The following KCNIP3 variants were observed in gnomAD, a reference collection of about 807,000 sequenced individuals.
KCNIP3 encodes the protein calsenilin.
In KCNIP3, 28 loss-of-function variants were observed where a neutral mutation model predicts 35.0. That is an observed-to-expected ratio of 0.80 (90% CI 0.59 to 1.10). The LOEUF is 1.10. Ranked by LOEUF, KCNIP3 falls within the 50% of genes least tolerant of loss-of-function variation. The pLI is 0.00. For synonymous variants in KCNIP3, 134 were observed against 133.8 expected, an observed-to-expected ratio of 1.00 and a Z score of -0.01; for missense variants, 295 against 338.4, an observed-to-expected ratio of 0.87 and a Z score of 1.01.
chr2:95,303,928 G>A (rs1381973130), intron 1 of KCNIP3, among the ~76,000 whole-genome samples: 3 of 152,138 alleles, frequency 2.0e-5, no homozygotes, highest in Non-Finnish European at 4.4e-5. Context: ...ATTAAACCCA[G>A]TGTAAATGAT....
chr2:95,347,202 G>A (rs1448445893), intron 2 of KCNIP3: 5 of 1,252,632 alleles, frequency 4.0e-6, no homozygotes, highest in East Asian at 2.6e-5. Context: ...CCCGCACGCC[G>A]GGGTGCACTG....
chr2:95,338,573 A>C (rs1679116989), intron 2 of KCNIP3, among the ~76,000 whole-genome samples: 1 of 152,174 alleles, frequency 6.6e-6, no homozygotes, highest in South Asian at 2.1e-4. Context: ...AAACTATATC[A>C]CATGGCCATC....
At position 95,383,370 on chromosome 2, in the gene KCNIP3, C is replaced by T; in HGVS notation, c.723+76C>T. On this transcript the variant is annotated intron_variant, in intron 8 of 8. Transcript: ENST00000295225. ...GGTGGGTGGTTGGCAGCGTCTGCCC[C>T]TTCCCTCACCCCAGTCCCACCCCTG... 2.1e-6 allele frequency: 3 copies of T among 1,420,396 alleles called. No homozygotes were observed. The East Asian group carries it at 7.3e-5, about 34-fold the overall frequency. 88.0% of individuals were successfully genotyped at this position (1,420,396 alleles called of 1,614,324 possible). A position where few individuals can be genotyped will look rare whatever the true frequency, so the allele number is the denominator to read the frequency against.
intron 2 of KCNIP3, among the ~76,000 whole-genome samples, chr2:95,324,139 TAGTC>T (rs1317897495): frequency 2.0e-5 from 3 of 152,254 alleles, no homozygotes; most frequent in African/African-American, 4.8e-5. Flanking sequence ...TGGGCTGACT[TAGTC>T]AGTGAACTAA....
intron 5 of KCNIP3, among the ~76,000 whole-genome samples, 187 bp from the exon 6 acceptor site, chr2:95,381,409 A>G (rs1378106740): frequency 6.6e-6 from 1 of 152,170 alleles, no homozygotes; most frequent in Non-Finnish European, 1.5e-5. Context: ...ACACAGGTGC[A>G]CACCCGTGCA....
chr2:95,346,376 G>A (rs1269333336), intron 2 of KCNIP3, among the ~76,000 whole-genome samples: 1 of 151,470 alleles, frequency 6.6e-6, no homozygotes, highest in Non-Finnish European at 1.5e-5. Context: ...CGCCGACCGC[G>A]CGGCCTCCAG....
chr2:95,297,495 G>A (rs375076643), intron 1 of KCNIP3, 42 bp downstream of exon 1: 9 of 1,144,180 alleles, frequency 7.9e-6, no homozygotes, highest in African/African-American at 1.6e-5. Flanking sequence ...GAGGGGGGTC[G>A]GGGGGAGGAA....
chr2:95,350,181 A>T (rs142140277), intron 2 of KCNIP3, among the ~76,000 whole-genome samples: 216 of 152,096 alleles, frequency 1.4e-3, no homozygotes, highest in African/African-American at 4.9e-3. Context: ...AGCATTCCTG[A>T]TGTGCTGGTG....
At chr2:95,383,629 G>A (rs1369674278) in intron 8 of KCNIP3, among the ~76,000 whole-genome samples, 1 of 152,194 alleles carries the variant, frequency 6.6e-6, no homozygotes, top group African/African-American at 2.4e-5. Context: ...CAGAGCTTCC[G>A]CAGTGTTGCT....
chr2:95,317,897 G>A (rs924665301), intron 2 of KCNIP3, among the ~76,000 whole-genome samples: 2 of 152,218 alleles, frequency 1.3e-5, no homozygotes, highest in Non-Finnish European at 2.9e-5. Flanking sequence ...GCATGGCTGT[G>A]GGAAGCACCT....
chr2:95,348,262 G>A (rs1679426282), intron 2 of KCNIP3, among the ~76,000 whole-genome samples: 2 of 152,352 alleles, frequency 1.3e-5, no homozygotes, highest in South Asian at 4.1e-4. Flanking sequence ...GCCTTCGCTC[G>A]GCCGGATGCT....
Position 95,356,029 on chromosome 2 carries a change from A to G in KCNIP3, c.182-18267A>G, listed in dbSNP as rs138841287. On this transcript the variant is annotated intron_variant, in intron 2 of 8. Coordinates refer to ENST00000295225, the MANE Select transcript of KCNIP3 (RefSeq NM_013434.5). ...TCTGTGGTTTCCTGACTTTTTAATG[A>G]TCGCCATTCTAACTGGCATGAGATG... Among the ~76,000 whole-genome samples, 398 of 152,286 alleles carry G rather than the reference A, an allele frequency of 2.6e-3. 1 individual carries two copies. Among genetic ancestry groups the G allele is most frequent in the African/African-American group, 8.9e-3 (369 of 41,548 alleles).
At chr2:95,314,240 G>T (rs1455400609) in intron 2 of KCNIP3, among the ~76,000 whole-genome samples, 1 of 152,148 alleles carries the variant, frequency 6.6e-6, no homozygotes, top group South Asian at 2.1e-4. Flanking sequence ...GAATTTTCGC[G>T]TATTTGAAGA....
chr2:95,332,296 A>T (rs1454175804), intron 2 of KCNIP3, among the ~76,000 whole-genome samples: 2 of 152,212 alleles, frequency 1.3e-5, no homozygotes, highest in Non-Finnish European at 2.9e-5. Context: ...ATCTGATTTT[A>T]TTCTGAGTCA....
intron 1 of KCNIP3, among the ~76,000 whole-genome samples, chr2:95,304,289 C>T (rs1678117909): frequency 6.6e-6 from 1 of 152,186 alleles, no homozygotes; most frequent in Non-Finnish European, 1.5e-5. Context: ...ATCTTTAAAT[C>T]AGTACTGTAA....
At chr2:95,355,756 T>A (rs1679641690) in intron 2 of KCNIP3, among the ~76,000 whole-genome samples, 1 of 152,214 alleles carries the variant, frequency 6.6e-6, no homozygotes, top group South Asian at 2.1e-4. Context: ...TGATGGACAT[T>A]TGGGTTGGTT....
chr2:95,375,233 C>T lies in KCNIP3; in HGVS notation c.447+25C>T, dbSNP rs747505075. On this transcript the variant is annotated intron_variant, in intron 5 of 8. Coordinates refer to ENST00000295225, the MANE Select transcript of KCNIP3 (RefSeq NM_013434.5). The stretch of plus-strand genomic sequence containing the variant: ...GGTAGGTCCTCGCGGATTCCTCCCA[C>T]GTGTCCTGCCCCTGTGGTTGCAGGA... 1.9e-5 allele frequency: 30 copies of T among 1,605,052 alleles called. No homozygotes were observed. In the East Asian group the frequency reaches 2.2e-4, roughly 12 times the overall value.
chr2:95,302,960 C>T (rs1383093836), intron 1 of KCNIP3: 1 of 152,696 alleles, frequency 6.5e-6, no homozygotes, highest in Admixed American at 6.5e-5. Context: ...GCATGTACTC[C>T]TAGAACGCCA....
chr2:95,374,235 G>C (rs1680114030), intron 2 of KCNIP3, 61 bp from the exon 3 acceptor site: 1 of 1,584,976 alleles, frequency 6.3e-7, no homozygotes, highest in Non-Finnish European at 8.6e-7. Flanking sequence ...TGGCCACACT[G>C]GAGCAAGATG....
Sources: allele counts gnomAD v4.1 joint callset (sites outside exome capture counted in the v4.1 genomes callset), GRCh38; gene constraint gnomAD v4.1.1; transcripts MANE v1.5; gene names NCBI Gene and HGNC (gene_info 2026-07-23, HGNC 2026-07-21).